Variants in SEMA3D observed in about 807,000 individuals in gnomAD.
The protein encoded by SEMA3D is semaphorin 3D.
SEMA3D carries 84 observed loss-of-function variants against 100.1 expected under a neutral mutation model. The observed-to-expected ratio is 0.84, with a 90% CI of 0.70 to 1.01. The LOEUF (loss-of-function observed/expected upper bound fraction) is 1.01, where lower values mean the gene tolerates loss of function less well. Ranked by LOEUF, SEMA3D falls within the 50% of genes least tolerant of loss-of-function variation. The pLI, the probability that SEMA3D is intolerant of heterozygous loss-of-function variation, is 0.00. For synonymous variants in SEMA3D, 312 were observed against 320.7 expected (o/e 0.97, Z 0.29); for missense variants, 875 against 934.1 (o/e 0.94, Z 0.82).
intron 12 of SEMA3D, among the ~76,000 whole-genome samples, chr7:85,033,411 C>T (rs1222603947): frequency 1.3e-5 from 2 of 152,132 alleles, no homozygotes; most frequent in African/African-American, 4.8e-5. Context: ...CCTCGCATGA[C>T]ATTCACAGCT....
Position 85,065,488 on chromosome 7 carries a change from G to T in SEMA3D, c.654C>A (p.Ser218=), listed in dbSNP as rs1031091251. 6.2e-7 allele frequency: 1 copy of T among 1,612,712 alleles called. No individual in the cohort carries two copies. The highest frequency in any genetic ancestry group is 1.3e-5 in the African/African-American group (1 of 74,956). The part of the protein sequence containing the change: ...FLGKDTAFTR[S]LGPTHDHHYI... ...AGTGGTGGTCATGAGTAGGCCCAAG[G>T]GATCGAGTGAATGCAGTATCTTTGC... Residue 218 remains serine, a synonymous_variant, in exon 8 of 19, where the codon TCC becomes TCA. Coordinates refer to ENST00000284136, the MANE Select transcript of SEMA3D (RefSeq NM_001384900.1).
At chr7:85,057,277 G>T (rs1458449109) in intron 8 of SEMA3D, among the ~76,000 whole-genome samples, 1 of 152,050 alleles carries the variant, frequency 6.6e-6, no homozygotes, top group Non-Finnish European at 1.5e-5. Context: ...AATTAACCAG[G>T]TAACAGATGC....
At chr7:85,097,723 TAAAAC>T in intron 4 of SEMA3D, 77 bp downstream of exon 4, 1 of 909,330 alleles carries the variant, frequency 1.1e-6, no homozygotes. Context: ...CTGTGTCCCT[TAAAAC>T]AAAGCAAAAC....
chr7:85,026,453 A>C (rs1226345673), intron 12 of SEMA3D, among the ~76,000 whole-genome samples: 9 of 152,036 alleles, frequency 5.9e-5, no homozygotes, highest in African/African-American at 2.2e-4. Context: ...GCTTAAATGA[A>C]ACAAACAATA....
chr7:85,020,779 C>T (rs1485262245), intron 13 of SEMA3D, among the ~76,000 whole-genome samples: 1 of 151,326 alleles, frequency 6.6e-6, no homozygotes, highest in African/African-American at 2.4e-5. Context: ...ATAATGTTGT[C>T]AAATGAACAA....
At chr7:85,013,279 C>G (rs1170410638) in intron 16 of SEMA3D, among the ~76,000 whole-genome samples, 3 of 151,520 alleles carry the variant, frequency 2.0e-5, no homozygotes, top group Non-Finnish European at 3.0e-5. Flanking sequence ...TACAAAACAC[C>G]TTGTCATGTA....
At chr7:85,136,342 T>C (rs1022975195) in intron 2 of SEMA3D, among the ~76,000 whole-genome samples, 4 of 152,154 alleles carry the variant, frequency 2.6e-5, no homozygotes, top group Admixed American at 2.6e-4. Context: ...TTGACTTCTG[T>C]ACTATTTTAC....
rs553969617 is a variant in SEMA3D, at chr7:85,057,015, C to T, written c.719-1156G>A. Reference sequence around the variant, plus strand: ...ATGGGGCTGATAAGCATTATCATTACGATGACAATATACAGGGGTTAATAG... The same window carrying T: ...ATGGGGCTGATAAGCATTATCATTATGATGACAATATACAGGGGTTAATAG... On this transcript the variant is annotated intron_variant, in intron 8 of 18. Coordinates refer to ENST00000284136, the MANE Select transcript of SEMA3D (RefSeq NM_001384900.1). 9.9e-5 allele frequency among the ~76,000 whole-genome samples: 15 copies of T among 150,908 alleles called. 1 individual carries two copies. The highest frequency in any genetic ancestry group is 7.3e-5 in the African/African-American group (3 of 41,178).
At position 85,183,364 on chromosome 7, in the gene SEMA3D, G is replaced by A. The variant is rs989538801; in HGVS notation, c.-173+3314C>T. On this transcript the variant is annotated intron_variant, in intron 1 of 18. Transcript: ENST00000284136. The stretch of plus-strand genomic sequence containing the variant: ...TGAATTAATTTAACTTCAACCCCAA[G>A]CAATATCCTTTTTAGTTTTGGAAAA... 6.6e-5 allele frequency among the ~76,000 whole-genome samples: 10 copies of A among 152,250 alleles called. No homozygotes were observed. The East Asian group carries it at 1.9e-3, about 29-fold the overall frequency.
At chr7:85,084,018 G>T (rs945440899) in intron 4 of SEMA3D, among the ~76,000 whole-genome samples, 10 of 150,554 alleles carry the variant, frequency 6.6e-5, no homozygotes, top group African/African-American at 2.4e-4. Context: ...GTGGTGGCAG[G>T]TGCCTGTGGT....
At chr7:85,174,881 C>T (rs922824170) in intron 1 of SEMA3D, among the ~76,000 whole-genome samples, 1 of 151,930 alleles carries the variant, frequency 6.6e-6, no homozygotes, top group Non-Finnish European at 1.5e-5. Context: ...ACCCATATGC[C>T]TGGTCCACAT....
At chr7:85,243,883 T>C in the SEMA3D span, among the ~76,000 whole-genome samples, 1 of 152,198 alleles carries the variant, frequency 6.6e-6, no homozygotes, top group Admixed American at 6.6e-5. Flanking sequence ...TACTATCTCA[T>C]ATTGACAATA....
At chr7:85,097,456 A>G (rs1293877298) in intron 4 of SEMA3D, among the ~76,000 whole-genome samples, 4 of 151,934 alleles carry the variant, frequency 2.6e-5, no homozygotes, top group Non-Finnish European at 5.9e-5. Flanking sequence ...TTGTTAGGAT[A>G]TAAATATTCA....
At chr7:85,086,843 C>T (rs998727221) in intron 4 of SEMA3D, among the ~76,000 whole-genome samples, 7 of 152,038 alleles carry the variant, frequency 4.6e-5, no homozygotes, top group Non-Finnish European at 1.5e-5. Flanking sequence ...ACCTGTGTTC[C>T]TTGGATTATT....
intron 2 of SEMA3D, among the ~76,000 whole-genome samples, chr7:85,144,064 C>A (rs1485713213): frequency 6.6e-6 from 1 of 151,880 alleles, no homozygotes; most frequent in Non-Finnish European, 1.5e-5. Flanking sequence ...TAAAAAGTAA[C>A]AGATAAAACC....
intron 1 of SEMA3D, among the ~76,000 whole-genome samples, chr7:85,156,868 G>C (rs10808059): frequency 0.64 from 97,878 of 152,058 alleles, 32,189 homozygotes; most frequent in East Asian, 0.9. Flanking sequence ...CCCACAGACA[G>C]TTTATGGAAA....
intron 1 of SEMA3D, among the ~76,000 whole-genome samples, chr7:85,185,057 A>G (rs1791503003): frequency 6.6e-6 from 1 of 152,110 alleles, no homozygotes; most frequent in South Asian, 2.1e-4. Flanking sequence ...ATCTGGCCTC[A>G]GAGAAGAAGG....
rs956999223 is a variant in SEMA3D at position 84,997,100 on chromosome 7, A to G, written c.*2340T>C. 1.3e-5 allele frequency: 2 copies of G among 151,988 alleles called. No individual in the cohort carries two copies. The highest frequency in any genetic ancestry group is 2.4e-5 in the African/African-American group (1 of 41,438). The allele number at this position is 151,988 out of a possible 1,614,324, so 9.4% of individuals were successfully genotyped here. ...GAGTATTGTATCCAAAGCAGCCAGA[A>G]TATTAGATGTGGTCATAAAATAAGT... On this transcript the variant is annotated 3_prime_UTR_variant, in exon 19 of 19. Coordinates refer to ENST00000284136, the MANE Select transcript of SEMA3D (RefSeq NM_001384900.1).
In SEMA3D at chr7:85,120,394, G is replaced by A. The variant is rs1332921315; in HGVS notation, c.151+1347C>T. Among the ~76,000 whole-genome samples the A allele has an allele frequency of 3.3e-5, 5 of 152,168 alleles. No individual in the cohort carries two copies. The South Asian group carries it at 6.2e-4, about 19-fold the overall frequency. On this transcript the variant is annotated intron_variant, in intron 3 of 18. Coordinates refer to ENST00000284136, the MANE Select transcript of SEMA3D (RefSeq NM_001384900.1). ...TTTTAGTTATCGATTGTGGCCAGGC[G>A]AGTTGGCTCACTCCTATAATCCTAG... is the stretch of plus-strand genomic sequence containing the variant.
Sources: allele counts gnomAD v4.1 joint callset (sites outside exome capture counted in the v4.1 genomes callset), GRCh38; gene constraint gnomAD v4.1.1; transcripts MANE v1.5; gene names NCBI Gene and HGNC (gene_info 2026-07-23, HGNC 2026-07-21).